Variants in TACR1 observed in about 807,000 individuals in gnomAD.
The protein encoded by TACR1 is substance-P receptor.
In TACR1, 25 loss-of-function variants were observed where a neutral mutation model predicts 35.8. The ratio of observed to expected loss-of-function variants is 0.70; its 90% CI spans 0.51 to 0.98. TACR1 has a LOEUF of 0.98. TACR1 is among the 50% of genes least tolerant of loss of function. The pLI is 0.00. For synonymous variants in TACR1, 195 were observed against 206.7 expected (o/e 0.94, Z 0.48); for missense variants, 478 against 522.9 (o/e 0.91, Z 0.84).
At position 75,046,946 on chromosome 2, in the gene TACR1, T is replaced by C. The variant is rs1352039867; in HGVS notation, c.*2486A>G. ...ACACACTTGGATAAACACAGGGTGA[T>C]GCATTTCTAGAATAAGAATGTGACC... On this transcript the variant is annotated 3_prime_UTR_variant, in exon 5 of 5. Transcript: ENST00000305249. 2 of 152,214 alleles carry C rather than the reference T, an allele frequency of 1.3e-5. No homozygotes were observed. Among genetic ancestry groups the C allele is most frequent in the African/African-American group, 4.8e-5 (2 of 41,450 alleles). The allele number at this position is 152,214 out of a possible 1,614,324, so 9.4% of individuals were successfully genotyped here.
At chr2:75,099,178 AC>A (rs1049670539) in intron 2 of TACR1, among the ~76,000 whole-genome samples, 1 of 151,810 alleles carries the variant, frequency 6.6e-6, no homozygotes, top group African/African-American at 2.4e-5. Context: ...CCTCTGTCTC[AC>A]CCCAGTGACT....
At chr2:75,144,657 T>C (rs557015785) in intron 1 of TACR1, among the ~76,000 whole-genome samples, 2 of 152,338 alleles carry the variant, frequency 1.3e-5, no homozygotes, top group South Asian at 4.1e-4. Flanking sequence ...AACTGATTCA[T>C]ATTATCAATG....
intron 1 of TACR1, among the ~76,000 whole-genome samples, chr2:75,151,314 C>T (rs1411999812): frequency 6.6e-6 from 1 of 152,166 alleles, no homozygotes; most frequent in Non-Finnish European, 1.5e-5. Context: ...GGCCCAGAGG[C>T]CCAGAAGGAA....
intron 1 of TACR1, among the ~76,000 whole-genome samples, chr2:75,122,233 A>C (rs950030190): frequency 7.2e-5 from 11 of 152,156 alleles, no homozygotes; most frequent in African/African-American, 2.7e-4. Context: ...CAGGTGGTCT[A>C]CTGGAGGGGC....
intron 1 of TACR1, among the ~76,000 whole-genome samples, chr2:75,160,373 A>G (rs1327669756): frequency 1.3e-5 from 2 of 152,154 alleles, no homozygotes; most frequent in Non-Finnish European, 2.9e-5. Context: ...TCTTTGTTTG[A>G]TTTATTTGTT....
chr2:75,074,434 C>T lies in TACR1; in HGVS notation c.585-20679G>A, dbSNP rs140388629. ...GAATGCAGAGCTCAGATTTCATGTC[C>T]GTATAACATGGCCCTACAGCATGTG... On this transcript the variant is annotated intron_variant, in intron 2 of 4. Coordinates refer to ENST00000305249, the MANE Select transcript of TACR1 (RefSeq NM_001058.4). Among the ~76,000 whole-genome samples the T allele has an allele frequency of 1.9e-3, 293 of 152,224 alleles. 1 individual carries two copies. The highest frequency in any genetic ancestry group is 6.8e-3 in the African/African-American group (281 of 41,542).
At chr2:75,179,029 A>G (rs569909546) in intron 1 of TACR1, among the ~76,000 whole-genome samples, 48 of 152,320 alleles carry the variant, frequency 3.2e-4, no homozygotes, top group Non-Finnish European at 6.6e-4. Flanking sequence ...CCTGAACTCC[A>G]GGTTTAAAAA....
chr2:75,131,666 A>G (rs1185927243), intron 1 of TACR1, among the ~76,000 whole-genome samples: 1 of 152,260 alleles, frequency 6.6e-6, no homozygotes, highest in Non-Finnish European at 1.5e-5. Context: ...TTGAAACAGA[A>G]GCAGTAGTTG....
Position 75,113,226 on chromosome 2 carries a change from T to G in TACR1, c.584+7348A>C, listed in dbSNP as rs527436276. Among the ~76,000 whole-genome samples the G allele has an allele frequency of 2.0e-5, 3 of 152,346 alleles. No individual in the cohort carries two copies. In the East Asian group the frequency reaches 5.8e-4, roughly 29 times the overall value. On this transcript the variant is annotated intron_variant, in intron 2 of 4. Coordinates refer to ENST00000305249, the MANE Select transcript of TACR1 (RefSeq NM_001058.4). The stretch of plus-strand genomic sequence containing the variant: ...TCATCCATTTATTCTTATTGTGAGT[T>G]ATGCTCTCTGGCCTCTGTGCTTTCT...
At chr2:75,193,623 A>G (rs1675900925) in intron 1 of TACR1, among the ~76,000 whole-genome samples, 1 of 152,072 alleles carries the variant, frequency 6.6e-6, no homozygotes, top group African/African-American at 2.4e-5. Context: ...TGCTTCTGTC[A>G]TACAGCTTCT....
intron 2 of TACR1, among the ~76,000 whole-genome samples, chr2:75,116,553 C>T (rs1673863936): frequency 6.6e-6 from 1 of 151,984 alleles, no homozygotes; most frequent in African/African-American, 2.4e-5. Flanking sequence ...AGGGTAATTA[C>T]CTGCAAGTGG....
intron 1 of TACR1, among the ~76,000 whole-genome samples, chr2:75,198,335 A>AAG (rs921902080): frequency 2.0e-5 from 3 of 152,192 alleles, no homozygotes; most frequent in African/African-American, 7.2e-5. Context: ...TGTTGAAAGG[A>AAG]AGAGAGAGAG....
At chr2:75,128,573 C>G (rs1237155446) in intron 1 of TACR1, among the ~76,000 whole-genome samples, 5 of 152,100 alleles carry the variant, frequency 3.3e-5, no homozygotes, top group African/African-American at 9.7e-5. Context: ...TGGGATCCTG[C>G]CATTCACAAT....
intron 1 of TACR1, among the ~76,000 whole-genome samples, chr2:75,194,323 C>T (rs1675917330): frequency 6.6e-6 from 1 of 152,166 alleles, no homozygotes; most frequent in South Asian, 2.1e-4. Context: ...CCAGTTGTGG[C>T]CAATGAGCTT....
chr2:75,091,045 C>G (rs1301750365), intron 2 of TACR1: 1 of 151,908 alleles, frequency 6.6e-6, no homozygotes, highest in Non-Finnish European at 1.5e-5. Context: ...ACTCTTCCTT[C>G]AAGTTCTAAT....
chr2:75,069,593 G>A (rs72916602), intron 2 of TACR1, among the ~76,000 whole-genome samples: 1,955 of 152,202 alleles, frequency 0.013, 33 homozygotes, highest in African/African-American at 0.043. Context: ...TCTGCTCCAA[G>A]ATCTCACATT....
At chr2:75,143,403 A>G (rs891463741) in intron 1 of TACR1, among the ~76,000 whole-genome samples, 2 of 152,206 alleles carry the variant, frequency 1.3e-5, no homozygotes, top group Admixed American at 6.5e-5. Context: ...TGAAATGTCC[A>G]AAGAAATTTA....
At chr2:75,085,083 C>G (rs1673165999) in intron 2 of TACR1, among the ~76,000 whole-genome samples, 1 of 152,066 alleles carries the variant, frequency 6.6e-6, no homozygotes, top group African/African-American at 2.4e-5. Context: ...AAATTTCCCT[C>G]TACACACTGC....
At chr2:75,101,861 T>C (rs918775548) in intron 2 of TACR1, among the ~76,000 whole-genome samples, 1 of 152,022 alleles carries the variant, frequency 6.6e-6, no homozygotes, top group Non-Finnish European at 1.5e-5. Flanking sequence ...GCCACATTGC[T>C]TGAACCCTGG....
Sources: gnomAD v4.1 joint callset for allele counts (sites outside exome capture counted in the v4.1 genomes callset) on GRCh38, gnomAD v4.1.1 for gene constraint, MANE v1.5 for transcripts, NCBI Gene and HGNC (gene_info 2026-07-23, HGNC 2026-07-21) for gene names.